SFPQ: variants seen among roughly 807,000 people sequenced by gnomAD.
SFPQ encodes the protein splicing factor, proline- and glutamine-rich.
Under a neutral mutation model 72.9 loss-of-function variants are expected in SFPQ, and 11 were observed. The observed-to-expected ratio is 0.15, with a 90% CI of 0.09 to 0.25. SFPQ has a LOEUF of 0.25. SFPQ is among the 10% of genes least tolerant of loss of function. The pLI, the probability that SFPQ is intolerant of heterozygous loss-of-function variation, is 1.00. For missense variants in SFPQ, 847 were observed against 993.3 expected, an observed-to-expected ratio of 0.85 and a Z score of 1.98; for synonymous variants, 506 against 367.3, an observed-to-expected ratio of 1.38 and a Z score of -4.32.
rs1639571427 is a variant in SFPQ at position 35,183,550 on chromosome 1, T to G, written c.*906A>C. ...AAACCTTCTTACTTTCAAGTTTTGT[T>G]TTTTAGACTACACCCCATCTTTATA... On this transcript the variant is annotated 3_prime_UTR_variant, in exon 10 of 10. Coordinates refer to ENST00000357214, the MANE Select transcript of SFPQ (RefSeq NM_005066.3). The G allele has an allele frequency of 9.8e-7, 1 of 1,017,054 alleles. No homozygotes were observed. Among genetic ancestry groups the G allele is most frequent in the Non-Finnish European group, 1.2e-6 (1 of 848,416 alleles). The allele number at this position is 1,017,054 out of a possible 1,614,324, so 63.0% of individuals were successfully genotyped here.
rs1639537038 is a variant in SFPQ, at chr1:35,183,066, A to G, written c.*1390T>C. On this transcript the variant is annotated 3_prime_UTR_variant, in exon 10 of 10. Transcript: ENST00000357214. ...AGTTAAATTTACAATAAGAATGATT[A>G]TCTGCAACCCTATTTGTTAACAATC... is the stretch of plus-strand genomic sequence containing the variant. The G allele has an allele frequency of 9.7e-7, 1 of 1,032,512 alleles. No homozygotes were observed. Among genetic ancestry groups the G allele is most frequent in the Admixed American group, 5.7e-5 (1 of 17,506 alleles). 64.0% of individuals were successfully genotyped at this position (1,032,512 alleles called of 1,614,324 possible). A position where few individuals can be genotyped will look rare whatever the true frequency, so the allele number is the denominator to read the frequency against.
chr1:35,192,233 A>T lies in SFPQ; in HGVS notation c.817T>A (p.Ser273Thr). ...GPGGRSEEKI[S>T]DSEGFKANLS... The stretch of plus-strand genomic sequence containing the variant: ...CCATAGACACTCACCTCCGAGTCCG[A>T]GATCTTCTCCTCGCTGCGGCCGCCG... The change falls in exon 1 of 10, where the codon TCG becomes ACG. Residue 273 changes from serine (S) to threonine (T), a missense_variant. Physicochemically the swap from Ser to Thr is moderately conservative, Grantham distance 58. This residue lies in a region of SFPQ where 498 missense variants were observed against 405.1 expected (regional missense o/e 1.23). Transcript: ENST00000357214. 1 of 1,459,806 alleles carries T rather than the reference A, an allele frequency of 6.9e-7. No individual in the cohort carries two copies. The highest frequency in any genetic ancestry group is 1.5e-5 in the African/African-American group (1 of 67,274). The allele number at this position is 1,459,806 out of a possible 1,614,324, so 90.4% of individuals were successfully genotyped here. A position where few individuals can be genotyped will look rare whatever the true frequency, so the allele number is the denominator to read the frequency against.
chr1:35,184,119 A>AT lies in SFPQ; in HGVS notation c.*336dup, dbSNP rs1639597059. The AT allele has an allele frequency of 8.8e-7, 1 of 1,133,108 alleles. No homozygotes were observed. 70.2% of individuals were successfully genotyped at this position (1,133,108 alleles called of 1,614,324 possible). Reference sequence around the variant, plus strand: ...ATGAATGGCAAAGTTGAAGATCAATATTATAACTATTTTTCTATTTATTTG... The same window carrying AT: ...ATGAATGGCAAAGTTGAAGATCAATATTTATAACTATTTTTCTATTTATTTG... On this transcript the variant is annotated 3_prime_UTR_variant, in exon 10 of 10. Transcript: ENST00000357214.
chr1:35,188,620 G>A (rs1050919411), intron 6 of SFPQ, among the ~76,000 whole-genome samples: 1 of 152,174 alleles, frequency 6.6e-6, no homozygotes, highest in East Asian at 1.9e-4. Context: ...AGTGAGCTAT[G>A]ATCATGCCAC....
At chr1:35,190,451 C>G (rs754533465) in intron 4 of SFPQ, 47 bp downstream of exon 4, 1 of 1,337,584 alleles carries the variant, frequency 7.5e-7, no homozygotes, top group Non-Finnish European at 1.1e-6. Flanking sequence ...TAAATTTAAC[C>G]TTTACACTTG....
At chr1:35,178,553 C>A, downstream of SFPQ, 1 of 1,060,128 alleles carries the variant, frequency 9.4e-7, no homozygotes. Flanking sequence ...TTTGTATTTA[C>A]CTCATTCTTT....
In SFPQ at chr1:35,182,978, T is replaced by C; in HGVS notation, c.*1478A>G. ...TGGTGGGAGGAAGGGATATTTGTAC[T>C]GTGTAGCATGAGCAACTTTCTCCAG... On this transcript the variant is annotated 3_prime_UTR_variant, in exon 10 of 10. Transcript: ENST00000357214. 1.9e-6 allele frequency: 2 copies of C among 1,042,074 alleles called. No homozygotes were observed. The highest frequency in any genetic ancestry group is 2.3e-6 in the Non-Finnish European group (2 of 864,774). The allele number at this position is 1,042,074 out of a possible 1,614,324, so 64.6% of individuals were successfully genotyped here. A position where few individuals can be genotyped will look rare whatever the true frequency, so the allele number is the denominator to read the frequency against.
rs1257481031 is a variant in SFPQ at position 35,189,301 on chromosome 1, T to C, written c.1497A>G (p.Glu499=). 1.2e-6 allele frequency: 2 copies of C among 1,614,182 alleles called. No individual in the cohort carries two copies. The highest frequency in any genetic ancestry group is 1.7e-6 in the Non-Finnish European group (2 of 1,179,996). ...CTTGTTCCCTTTGCTGTTTTTCCAT[T>C]TCATCCAAAGACTTCCATCGCTGAG... The part of the protein sequence containing the change: ...EYSQRWKSLD[E]MEKQQREQVE... The change falls in exon 5 of 10, where the codon GAA becomes GAG. Residue 499 remains glutamate (E), a synonymous_variant. Coordinates refer to ENST00000357214, the MANE Select transcript of SFPQ (RefSeq NM_005066.3).
In SFPQ at chr1:35,183,932, C is replaced by T. The variant is rs1639588227; in HGVS notation, c.*524G>A. On this transcript the variant is annotated 3_prime_UTR_variant, in exon 10 of 10. Transcript: ENST00000357214. ...ATATGCCAAACAAATCATCAAACTA[C>T]TTCAATATGCATTTCTTCTTTTTAA... The T allele has an allele frequency of 5.7e-6, 6 of 1,050,760 alleles. No individual in the cohort carries two copies. The highest frequency in any genetic ancestry group is 6.9e-6 in the Non-Finnish European group (6 of 869,942). 65.1% of individuals were successfully genotyped at this position (1,050,760 alleles called of 1,614,324 possible). A position where few individuals can be genotyped will look rare whatever the true frequency, so the allele number is the denominator to read the frequency against.
downstream of SFPQ, chr1:35,180,067 C>G (rs1006127962): frequency 1.9e-5 from 20 of 1,053,210 alleles, no homozygotes; most frequent in East Asian, 1.0e-3. Flanking sequence ...ACAAGTCTGT[C>G]CCCACCTTGT....
rs1001133145 is a variant in SFPQ, at chr1:35,183,758, C to T, written c.*698G>A. ...TCAAGTAAAGGATAGATCATAGGGC[C>T]ATAAAAGATCCATTTAATCAAACCC... On this transcript the variant is annotated 3_prime_UTR_variant, in exon 10 of 10. Coordinates refer to ENST00000357214, the MANE Select transcript of SFPQ (RefSeq NM_005066.3). The T allele has an allele frequency of 1.6e-5, 17 of 1,051,910 alleles. No individual in the cohort carries two copies. The highest frequency in any genetic ancestry group is 5.5e-5 in the Admixed American group (1 of 18,250). 65.2% of individuals were successfully genotyped at this position (1,051,910 alleles called of 1,614,324 possible).
rs1021599340 is a variant in SFPQ at position 35,192,253 on chromosome 1, C to A, written c.797G>T (p.Gly266Val). The change falls in exon 1 of 10, where the codon GGC becomes GTC. Residue 266 changes from glycine (G) to valine (V), a missense_variant. Around this residue, in one of 6 missense-constraint regions of SFPQ, gnomAD observed 498 missense variants for 405.1 expected, o/e 1.23. Coordinates refer to ENST00000357214, the MANE Select transcript of SFPQ (RefSeq NM_005066.3). ...GTCCGAGATCTTCTCCTCGCTGCGG[C>A]CGCCGGGCCCGCCGGGCGGGGGCCC... is the stretch of plus-strand genomic sequence containing the variant. ...HQGPPPGGPG[G>V]RSEEKISDSE... is the part of the protein sequence containing the mutation. 18 of 1,462,618 alleles carry A rather than the reference C, an allele frequency of 1.2e-5. No homozygotes were observed. The highest frequency in any genetic ancestry group is 5.1e-5 in the Admixed American group (2 of 39,496). The allele number at this position is 1,462,618 out of a possible 1,614,324, so 90.6% of individuals were successfully genotyped here. A position where few individuals can be genotyped will look rare whatever the true frequency, so the allele number is the denominator to read the frequency against.
chr1:35,179,928 C>T (rs1570106748), downstream of SFPQ: 3 of 1,054,974 alleles, frequency 2.8e-6, no homozygotes, highest in South Asian at 1.4e-4. Context: ...ACTCATGTCA[C>T]TAATATTGAG....
At position 35,192,952 on chromosome 1, in the gene SFPQ, G is replaced by A; in HGVS notation, c.98C>T (p.Ser33Phe). 1.9e-6 allele frequency: 3 copies of A among 1,586,336 alleles called. No homozygotes were observed. Among genetic ancestry groups the A allele is most frequent in the Non-Finnish European group, 2.6e-6 (3 of 1,174,546 alleles). The change falls in exon 1 of 10, where the codon TCT (serine) becomes TTT (phenylalanine). Residue 33 changes from serine to phenylalanine, a missense_variant. Physicochemically the swap from Ser to Phe is radical, Grantham distance 155. Around this residue, in one of 6 missense-constraint regions of SFPQ, gnomAD observed 498 missense variants for 405.1 expected, o/e 1.23. Transcript: ENST00000357214. ...ATTGAGGCCCATGCCGGGCGGCGGA[G>A]AACGGAAGTCGTGGAGGCCGCCGCG... Reference protein sequence around the residue: ...GGRGGLHDFRSPPPGMGLNQN... With the variant: ...GGRGGLHDFRFPPPGMGLNQN...
In SFPQ at chr1:35,190,921, A is replaced by G. The variant is rs371178147; in HGVS notation, c.1092T>C (p.Val364=). ...GGGCAGCAGCATGTGTGGCAAAGCG[A>G]ACTCGAAGCTGTCTACCTCTCATGG... ...DTPMRGRQLR[V]RFATHAAALS... Residue 364 remains valine (V), a synonymous_variant, in exon 3 of 10, where the codon GTT becomes GTC. Coordinates refer to ENST00000357214, the MANE Select transcript of SFPQ (RefSeq NM_005066.3). 103 of 1,614,232 alleles carry G rather than the reference A, an allele frequency of 6.4e-5. No individual in the cohort carries two copies. The highest frequency in any genetic ancestry group is 8.0e-5 in the Non-Finnish European group (94 of 1,180,038).
intron 7 of SFPQ, among the ~76,000 whole-genome samples, chr1:35,187,504 G>A (rs1393993588): frequency 6.6e-6 from 1 of 152,188 alleles, no homozygotes; most frequent in African/African-American, 2.4e-5. Context: ...GCCGAGGCAG[G>A]CAGATCACCT....
Position 35,192,928 on chromosome 1 carries a change from T to C in SFPQ, c.122A>G (p.Asn41Ser), listed in dbSNP as rs761533396. 35 of 1,586,734 alleles carry C rather than the reference T, an allele frequency of 2.2e-5. No homozygotes were observed. The highest frequency in any genetic ancestry group is 3.0e-5 in the Non-Finnish European group (35 of 1,174,722). The change falls in exon 1 of 10, where the codon AAT becomes AGT. Residue 41 changes from asparagine to serine, a missense_variant. Physicochemically the swap from Asn to Ser is conservative, Grantham distance 46. This residue lies in a region of SFPQ where 498 missense variants were observed against 405.1 expected (regional missense o/e 1.23). Coordinates refer to ENST00000357214, the MANE Select transcript of SFPQ (RefSeq NM_005066.3). ...AGGACCCATGGGGCCGCGATTCTGA[T>C]TGAGGCCCATGCCGGGCGGCGGAGA... ...FRSPPPGMGL[N>S]QNRGPMGPGP...
chr1:35,184,242 A>G lies in SFPQ; in HGVS notation c.*214T>C. 1 of 1,328,830 alleles carries G rather than the reference A, an allele frequency of 7.5e-7. No homozygotes were observed. Among genetic ancestry groups the G allele is most frequent in the Non-Finnish European group, 9.5e-7 (1 of 1,047,876 alleles). The allele number at this position is 1,328,830 out of a possible 1,614,324, so 82.3% of individuals were successfully genotyped here. On this transcript the variant is annotated 3_prime_UTR_variant, in exon 10 of 10. Transcript: ENST00000357214. ...AGGGACATTATACAGTAAAAAAGAA[A>G]AAATAAAGAAATAAAAAGGAAAAAA...
chr1:35,190,407 G>T, intron 4 of SFPQ, 91 bp downstream of exon 4: 2 of 815,604 alleles, frequency 2.5e-6, no homozygotes, highest in Middle Eastern at 3.1e-4. Flanking sequence ...AAATAATTTT[G>T]CATATTTTAA....
Sources: gnomAD v4.1 joint callset for allele counts (sites outside exome capture counted in the v4.1 genomes callset) on GRCh38, gnomAD v4.1.1 for gene constraint, gnomAD v4.1.1 regional missense constraint, MANE v1.5 for transcripts, NCBI Gene and HGNC (gene_info 2026-07-23, HGNC 2026-07-21) for gene names.